Variants in CUX1 observed in about 807,000 individuals in gnomAD.
CUX1 encodes the protein protein CASP.
CUX1 carries 31 observed loss-of-function variants against 158.8 expected under a neutral mutation model. The observed-to-expected ratio is 0.20, with a 90% CI of 0.15 to 0.26. The LOEUF is 0.26. Ranked by LOEUF, CUX1 falls within the 10% of genes least tolerant of loss-of-function variation. The probability of loss-of-function intolerance (pLI) is 1.00; values close to 1 mark genes in which losing one functional copy is unlikely to be tolerated. For synonymous variants in CUX1, 879 were observed against 862.1 expected, an observed-to-expected ratio of 1.02 and a Z score of -0.34; for missense variants, 1,589 against 2,014.6, an observed-to-expected ratio of 0.79 and a Z score of 4.04.
intron 1 of CUX1, among the ~76,000 whole-genome samples, chr7:101,825,753 CTGTGTGTGTG>C (rs537662700): frequency 4.6e-4 from 59 of 129,534 alleles, no homozygotes; most frequent in African/African-American, 1.2e-3. Flanking sequence ...TTAATGAAAT[CTGTGTGTGTG>C]TGTGTGTGTG....
chr7:102,248,999 A>C lies in CUX1; in HGVS notation c.4475A>C (p.Glu1492Ala). The change falls in exon 24 of 24, where the codon GAG (glutamate) becomes GCG (alanine). Residue 1492 changes from glutamate to alanine, a missense_variant. Around this residue, in one of 8 missense-constraint regions of CUX1, gnomAD observed 344 missense variants for 323.7 expected, o/e 1.06. Transcript: ENST00000292535. This position sits in a 1 kb window ranked among gnomAD's most constrained non-coding sequence, Gnocchi z 5.8. ...TTGAACAGCATCATCCACCGCCTGGAGAAGGCCGCCAGCCGGGAGGAACCT... is the reference window on the plus strand; with the variant it reads ...TTGAACAGCATCATCCACCGCCTGGCGAAGGCCGCCAGCCGGGAGGAACCT... ...ANLNSIIHRL[E>A]KAASREEPIE... The C allele has an allele frequency of 7.1e-7, 1 of 1,412,178 alleles. No individual in the cohort carries two copies. The highest frequency in any genetic ancestry group is 9.3e-7 in the Non-Finnish European group (1 of 1,072,010). The allele number at this position is 1,412,178 out of a possible 1,614,324, so 87.5% of individuals were successfully genotyped here.
chr7:102,258,090 T>C lies in CUX1; in HGVS notation c.*9048T>C. On this transcript the variant is annotated 3_prime_UTR_variant, in exon 24 of 24. Coordinates refer to ENST00000292535, the MANE Select transcript of CUX1 (RefSeq NM_181552.4). ...TTGTCCCTCTGTCTTTGGTTAGCCA[T>C]ACGATGTTTGTTCTCAGCACTGTAC... 1 of 985,396 alleles carries C rather than the reference T, an allele frequency of 1.0e-6. No homozygotes were observed. The highest frequency in any genetic ancestry group is 1.2e-6 in the Non-Finnish European group (1 of 829,916). The allele number at this position is 985,396 out of a possible 1,614,324, so 61.0% of individuals were successfully genotyped here. A position where few individuals can be genotyped will look rare whatever the true frequency, so the allele number is the denominator to read the frequency against.
rs1379293696 is a variant in CUX1 at position 102,182,315 on chromosome 7, G to T, written c.1017+3658G>T. Among the ~76,000 whole-genome samples the T allele has an allele frequency of 2.6e-5, 4 of 152,172 alleles. No individual in the cohort carries two copies. In the East Asian group the frequency reaches 7.7e-4, roughly 29 times the overall value. On this transcript the variant is annotated intron_variant, in intron 11 of 23. Coordinates refer to ENST00000292535, the MANE Select transcript of CUX1 (RefSeq NM_181552.4). ...TCTTTTGTCCTGAGTTCACTGAGTT[G>T]TTTCCACCCATACTTTCCAATGATA...
chr7:101,874,296 A>G (rs1798886475), intron 1 of CUX1, among the ~76,000 whole-genome samples: 2 of 152,214 alleles, frequency 1.3e-5, no homozygotes. Flanking sequence ...CTGAGGAAAT[A>G]AGGGCTTAAT....
chr7:102,243,662 T>TAATAATA (rs1554535782), intron 23 of CUX1, among the ~76,000 whole-genome samples: 206 of 146,500 alleles, frequency 1.4e-3, no homozygotes, highest in African/African-American at 4.6e-3. Context: ...ATAATAATAA[T>TAATAATA]AATAATAATA....
chr7:101,821,159 T>G (rs1792430664), intron 1 of CUX1, among the ~76,000 whole-genome samples: 1 of 152,184 alleles, frequency 6.6e-6, no homozygotes, highest in Admixed American at 6.5e-5. Flanking sequence ...CATTTGTGAT[T>G]TCTGACTTGA....
At chr7:101,991,574 T>C (rs1160091231) in intron 2 of CUX1, among the ~76,000 whole-genome samples, 3 of 151,892 alleles carry the variant, frequency 2.0e-5, no homozygotes, top group African/African-American at 7.2e-5. Flanking sequence ...ACCTGGCCAA[T>C]ATGGCCAAAC....
intron 22 of CUX1, among the ~76,000 whole-genome samples, chr7:102,235,361 C>T (rs1318549920): frequency 2.6e-5 from 4 of 152,132 alleles, no homozygotes; most frequent in African/African-American, 9.7e-5. Context: ...CCGTAAGAAG[C>T]GGCAGCCTCC....
In CUX1 at chr7:102,248,705, GC is replaced by G; in HGVS notation, c.4185del (p.Val1396TrpfsTer89). 8.1e-7 allele frequency: 1 copy of G among 1,235,562 alleles called. No individual in the cohort carries two copies. Among genetic ancestry groups the G allele is most frequent in the Non-Finnish European group, 1.0e-6 (1 of 984,752 alleles). The allele number at this position is 1,235,562 out of a possible 1,614,324, so 76.5% of individuals were successfully genotyped here. On this transcript the variant is annotated frameshift_variant, in exon 24 of 24. Coordinates refer to ENST00000292535, the MANE Select transcript of CUX1 (RefSeq NM_181552.4). LOFTEE classifies it low-confidence loss of function (END_TRUNC). This position sits in a 1 kb window ranked among gnomAD's most constrained non-coding sequence, Gnocchi z 5.8. Reference sequence around the variant, plus strand: ...GCCCGCGACGACGACCACGAGGGAGGCCCCGTGGAAGGCCCGGGGCCCCTGC... The same window carrying G: ...GCCCGCGACGACGACCACGAGGGAGGCCCGTGGAAGGCCCGGGGCCCCTGC... ...DDARDDDHEG[G>X]PVEGPGPLPS...
intron 3 of CUX1, among the ~76,000 whole-genome samples, chr7:102,057,865 T>A (rs1824340954): frequency 6.6e-6 from 1 of 152,226 alleles, no homozygotes; most frequent in South Asian, 2.1e-4. Flanking sequence ...TTGACTCCTA[T>A]TTTTTAAGAA....
rs181649358 is a variant in CUX1 at position 102,268,274 on chromosome 7, G to A, written c.1256-5092G>A. On this transcript the variant is annotated intron_variant, in intron 14 of 22. Coordinates refer to the CUX1 transcript ENST00000292538. ...CTATGCTTCTCAAGATCCCCTCTCG[G>A]GCACACGTTACTGCTCTTCCACCAG... 2.6e-5 allele frequency among the ~76,000 whole-genome samples: 4 copies of A among 152,230 alleles called. No homozygotes were observed. The East Asian group carries it at 7.7e-4, about 29-fold the overall frequency.
chr7:101,858,765 G>A lies in CUX1; in HGVS notation c.30+41096G>A, dbSNP rs150751345. ...ACTGCAACCTCCGCCTCCCAGGTTC[G>A]AGAGATTCTCCTGCTTCAGCCTCCT... On this transcript the variant is annotated intron_variant, in intron 1 of 23. Coordinates refer to ENST00000292535, the MANE Select transcript of CUX1 (RefSeq NM_181552.4). Among the ~76,000 whole-genome samples, 1,248 of 148,400 alleles carry A rather than the reference G, an allele frequency of 8.4e-3. 12 individuals carry two copies. The highest frequency in any genetic ancestry group is 0.029 in the African/African-American group (1,175 of 40,000).
At chr7:102,244,163 C>T (rs1365974119) in intron 23 of CUX1, among the ~76,000 whole-genome samples, 2 of 152,178 alleles carry the variant, frequency 1.3e-5, no homozygotes, top group African/African-American at 2.4e-5. Context: ...ACCAACCTGC[C>T]GTTATACCCG....
Position 102,257,151 on chromosome 7 carries a change from A to C in CUX1, c.*8109A>C, listed in dbSNP as rs116793921. The C allele has an allele frequency of 5.4e-3, 5,346 of 985,304 alleles. 216 individuals carry two copies. In the African/African-American group the frequency reaches 0.086, roughly 16 times the overall value. 61.0% of individuals were successfully genotyped at this position (985,304 alleles called of 1,614,324 possible). Reference sequence around the variant, plus strand: ...AGCAGAAGGAAACTTACCCCAGGCCAAGGCAAGGGCCCTGCTCACCCCAAG... The same window carrying C: ...AGCAGAAGGAAACTTACCCCAGGCCCAGGCAAGGGCCCTGCTCACCCCAAG... On this transcript the variant is annotated 3_prime_UTR_variant, in exon 24 of 24. Coordinates refer to ENST00000292535, the MANE Select transcript of CUX1 (RefSeq NM_181552.4).
chr7:102,182,247 G>A (rs987151513), intron 11 of CUX1, among the ~76,000 whole-genome samples: 1 of 152,188 alleles, frequency 6.6e-6, no homozygotes. Context: ...CAGTCACTTG[G>A]GGAGAGGGCA....
intron 8 of CUX1, among the ~76,000 whole-genome samples, chr7:102,135,867 T>C (rs1554498611): frequency 1.3e-5 from 2 of 151,320 alleles, no homozygotes; most frequent in Non-Finnish European, 2.9e-5. Context: ...CCTAGCTACT[T>C]GGGAGGCTGA....
intron 21 of CUX1, among the ~76,000 whole-genome samples, chr7:102,232,002 C>T (rs1799052627): frequency 6.6e-6 from 1 of 150,558 alleles, no homozygotes; most frequent in African/African-American, 2.4e-5. Flanking sequence ...CGTGAGCCAC[C>T]GCACCTGGCC....
chr7:102,147,834 T>C (rs551355685), intron 8 of CUX1, among the ~76,000 whole-genome samples: 7 of 151,902 alleles, frequency 4.6e-5, no homozygotes, highest in Non-Finnish European at 1.5e-5. Flanking sequence ...TGATCTCTAC[T>C]AAAAAAATAG....
At chr7:102,190,365 C>T (rs1196241674) in intron 12 of CUX1, among the ~76,000 whole-genome samples, 1 of 152,182 alleles carries the variant, frequency 6.6e-6, no homozygotes, top group Non-Finnish European at 1.5e-5. Context: ...ATGGCATTCT[C>T]AGTTCTCAAG....
Sources: allele counts gnomAD v4.1 joint callset (sites outside exome capture counted in the v4.1 genomes callset), GRCh38; gene constraint gnomAD v4.1.1; regional missense constraint gnomAD v4.1.1; non-coding constraint Gnocchi (gnomAD v3.1); transcripts MANE v1.5; gene names NCBI Gene and HGNC (gene_info 2026-07-23, HGNC 2026-07-21).